Variants in MCM5 observed in about 807,000 individuals in gnomAD.
MCM5 encodes DNA replication licensing factor MCM5.
MCM5 carries 46 observed loss-of-function variants against 79.9 expected under a neutral mutation model. The observed-to-expected ratio is 0.58, with a 90% CI of 0.45 to 0.74. The LOEUF (loss-of-function observed/expected upper bound fraction) is 0.74, where lower values mean the gene tolerates loss of function less well. Ranked by LOEUF, MCM5 falls within the 30% of genes least tolerant of loss-of-function variation. MCM5 has a pLI of 0.00. For synonymous variants in MCM5, 404 were observed against 390.5 expected, an observed-to-expected ratio of 1.03 and a Z score of -0.41; for missense variants, 883 against 1,017.0, an observed-to-expected ratio of 0.87 and a Z score of 1.79.
chr22:35,417,448 TGGGGTGGACAAGATACATGCCCCAAGTC>T lies in MCM5; in HGVS notation c.1591-283_1591-256del, dbSNP rs532996291. 3.9e-3 allele frequency among the ~76,000 whole-genome samples: 597 copies of T among 152,234 alleles called. 7 individuals carry two copies. Among genetic ancestry groups the T allele is most frequent in the African/African-American group, 0.013 (555 of 41,544 alleles). On this transcript the variant is annotated intron_variant, in intron 12 of 16. Transcript: ENST00000216122. ...GTAGATCCTATGTCCATGCCCAAGTTGGGGTGGACAAGATACATGCCCCAAGTCGGGGTGGACAAGCTGAACCCACCCC... is the reference window on the plus strand; with the variant it reads ...GTAGATCCTATGTCCATGCCCAAGTTGGGGTGGACAAGCTGAACCCACCCC...
chr22:35,412,941 G>A (rs1601757710), intron 8 of MCM5, among the ~76,000 whole-genome samples: 1 of 152,210 alleles, frequency 6.6e-6, no homozygotes, highest in Non-Finnish European at 1.5e-5. Context: ...TGAGCTTAGG[G>A]TCGTGTAGGT....
At chr22:35,423,742 A>T (rs940933564) in intron 16 of MCM5, 12 of 208,088 alleles carry the variant, frequency 5.8e-5, no homozygotes, top group Non-Finnish European at 7.6e-5. Context: ...AGAAGATGGG[A>T]TTTCCCAGAT....
At chr22:35,428,197 T>C (rs960327500), downstream of MCM5, among the ~76,000 whole-genome samples, 17 of 151,872 alleles carry the variant, frequency 1.1e-4, no homozygotes, top group Admixed American at 6.5e-5. Context: ...ATTTTTTGTA[T>C]TTTTAGTAGA....
chr22:35,401,331 AG>A (rs1932042995), intron 2 of MCM5: 1 of 461,278 alleles, frequency 2.2e-6, no homozygotes, highest in African/African-American at 2.0e-5. Flanking sequence ...GATGGCAGTT[AG>A]GATTCACTTC....
chr22:35,409,041 C>T (rs535142353), intron 6 of MCM5, among the ~76,000 whole-genome samples: 63 of 151,990 alleles, frequency 4.1e-4, no homozygotes, highest in African/African-American at 1.4e-3. Flanking sequence ...CGGCTCACTG[C>T]AAGCTCCACC....
rs1361438835 is a variant in MCM5, at chr22:35,403,403, C to T, written c.295-11C>T. On this transcript the variant is annotated splice_polypyrimidine_tract_variant and intron_variant, in intron 3 of 16. Transcript: ENST00000216122. ...CAGTTACTAATAGCCTGTGCCCTTCCCTTTCTCCAGCTGGAGGAAGCTGCC... is the reference window on the plus strand; with the variant it reads ...CAGTTACTAATAGCCTGTGCCCTTCTCTTTCTCCAGCTGGAGGAAGCTGCC... 2 of 1,614,202 alleles carry T rather than the reference C, an allele frequency of 1.2e-6. No homozygotes were observed. Among genetic ancestry groups the T allele is most frequent in the Admixed American group, 1.7e-5 (1 of 60,022 alleles).
chr22:35,452,018 G>A, the MCM5 span, among the ~76,000 whole-genome samples: 1 of 152,328 alleles, frequency 6.6e-6, no homozygotes, highest in East Asian at 1.9e-4. Flanking sequence ...CACCTGCCCT[G>A]TGCTATCTCA....
At chr22:35,414,134 G>C in intron 9 of MCM5, 148 bp downstream of exon 9, 1 of 616,802 alleles carries the variant, frequency 1.6e-6, no homozygotes, top group Non-Finnish European at 2.9e-6. Flanking sequence ...GATGGCCGAG[G>C]AGATGGGAGG....
chr22:35,414,402 T>A (rs991496565), intron 9 of MCM5, among the ~76,000 whole-genome samples: 3 of 152,120 alleles, frequency 2.0e-5, no homozygotes, highest in African/African-American at 7.2e-5. Context: ...GGCGGATTGC[T>A]TGAGCTCAGG....
chr22:35,425,859 G>T (rs1445123406), downstream of MCM5, among the ~76,000 whole-genome samples: 2 of 151,970 alleles, frequency 1.3e-5, no homozygotes, highest in African/African-American at 4.8e-5. Context: ...GTGCTGCTGT[G>T]GTCACCTCTG....
chr22:35,433,603 T>C, the MCM5 span, among the ~76,000 whole-genome samples: 2 of 152,210 alleles, frequency 1.3e-5, no homozygotes, highest in African/African-American at 2.4e-5. Flanking sequence ...TGTTGGTGTA[T>C]GTAAGTCGCT....
chr22:35,426,219 G>T (rs190012333), downstream of MCM5, among the ~76,000 whole-genome samples: 288 of 152,346 alleles, frequency 1.9e-3, 1 homozygote, highest in Non-Finnish European at 3.3e-3. Flanking sequence ...GAGCATGCCA[G>T]TCTCCTTCCA....
the MCM5 span, among the ~76,000 whole-genome samples, chr22:35,440,701 C>T: frequency 6.6e-6 from 1 of 152,154 alleles, no homozygotes; most frequent in Non-Finnish European, 1.5e-5. Flanking sequence ...CCGAGGAAGG[C>T]AGGGGCTGGT....
At chr22:35,451,652 G>T in the MCM5 span, among the ~76,000 whole-genome samples, 1 of 152,210 alleles carries the variant, frequency 6.6e-6, no homozygotes, top group Non-Finnish European at 1.5e-5. Flanking sequence ...GCCTCACTTT[G>T]CCCCTGTCTT....
chr22:35,411,005 A>T (rs1932369172), intron 7 of MCM5, 95 bp downstream of exon 7: 1 of 1,184,532 alleles, frequency 8.4e-7, no homozygotes, highest in East Asian at 2.4e-5. Context: ...GAGGTAGCCC[A>T]GGATGTCCTT....
the MCM5 span, among the ~76,000 whole-genome samples, chr22:35,451,743 G>A: frequency 6.6e-6 from 1 of 152,232 alleles, no homozygotes; most frequent in Non-Finnish European, 1.5e-5. Flanking sequence ...CTGGCGCCCA[G>A]CTTTGTTAGC....
chr22:35,440,492 G>C, the MCM5 span, among the ~76,000 whole-genome samples: 1 of 152,224 alleles, frequency 6.6e-6, no homozygotes, highest in Admixed American at 6.5e-5. Flanking sequence ...GGTGCTACAG[G>C]GGTTGAGAGG....
At chr22:35,414,233 G>A (rs1488001401) in intron 9 of MCM5, among the ~76,000 whole-genome samples, 1 of 152,172 alleles carries the variant, frequency 6.6e-6, no homozygotes, top group African/African-American at 2.4e-5. Context: ...GTCTCACCCT[G>A]GCCAGAAATT....
the MCM5 span, among the ~76,000 whole-genome samples, chr22:35,444,329 CAG>C: frequency 1.3e-5 from 2 of 151,964 alleles, no homozygotes; most frequent in African/African-American, 4.8e-5. Flanking sequence ...AAGGGGGAAG[CAG>C]AGAGAGAGCA....
Sources: gnomAD v4.1 joint callset for allele counts (sites outside exome capture counted in the v4.1 genomes callset) on GRCh38, gnomAD v4.1.1 for gene constraint, MANE v1.5 for transcripts, NCBI Gene and HGNC (gene_info 2026-07-23, HGNC 2026-07-21) for gene names.